Variants in ZNF385B observed in about 807,000 individuals in gnomAD.
ZNF385B encodes the protein zinc finger protein 385B.
A neutral mutation model predicts 39.2 loss-of-function variants in ZNF385B; 23 were observed. The ratio of observed to expected loss-of-function variants is 0.59; its 90% CI spans 0.42 to 0.83. The LOEUF (loss-of-function observed/expected upper bound fraction) is 0.83. Among genes scored for constraint, ZNF385B ranks in the 40% least tolerant of loss-of-function variants. The pLI, the probability that ZNF385B is intolerant of heterozygous loss-of-function variation, is 0.00. For missense variants in ZNF385B, 552 were observed against 598.9 expected (o/e 0.92, Z 0.82); for synonymous variants, 205 against 222.6 (o/e 0.92, Z 0.70).
intron 3 of ZNF385B, among the ~76,000 whole-genome samples, chr2:179,622,362 T>A (rs144261932): frequency 0.018 from 2,761 of 152,288 alleles, 43 homozygotes; most frequent in Middle Eastern, 0.037. Context: ...GTTTCCTGGA[T>A]TTATCTTCAA....
intron 1 of ZNF385B, among the ~76,000 whole-genome samples, chr2:179,790,253 T>C (rs1342356513): frequency 6.6e-6 from 1 of 152,222 alleles, no homozygotes; most frequent in Non-Finnish European, 1.5e-5. Flanking sequence ...CATATATTTA[T>C]TTCCTAATGC....
chr2:179,709,046 C>A (rs1037878128), intron 3 of ZNF385B, among the ~76,000 whole-genome samples: 29 of 152,144 alleles, frequency 1.9e-4, no homozygotes, highest in African/African-American at 6.8e-4. Flanking sequence ...TAGCCAATGC[C>A]TTCTTCAGCA....
chr2:179,559,662 A>C (rs1313045981), intron 3 of ZNF385B, among the ~76,000 whole-genome samples: 1 of 152,018 alleles, frequency 6.6e-6, no homozygotes, highest in Non-Finnish European at 1.5e-5. Flanking sequence ...ATATCATATA[A>C]AATTTATAGT....
At position 179,518,179 on chromosome 2, in the gene ZNF385B, C is replaced by T. The variant is rs541912078; in HGVS notation, c.552+349G>A. Among the ~76,000 whole-genome samples the T allele has an allele frequency of 4.0e-4, 61 of 152,186 alleles. No individual in the cohort carries two copies. In the East Asian group the frequency reaches 0.011, roughly 28 times the overall value. On this transcript the variant is annotated intron_variant, in intron 5 of 9. Coordinates refer to ENST00000410066, the MANE Select transcript of ZNF385B (RefSeq NM_152520.6). The stretch of plus-strand genomic sequence containing the variant: ...TTGAGACTGATTGCATAGATAAATT[C>T]TTAATTTTTGATCTTAGCCACTTAT...
intron 1 of ZNF385B, among the ~76,000 whole-genome samples, chr2:179,851,874 A>G (rs1684188462): frequency 6.6e-6 from 1 of 152,220 alleles, no homozygotes; most frequent in Non-Finnish European, 1.5e-5. Context: ...CAGAAATGTG[A>G]TTTCAAGAAT....
chr2:179,738,404 C>T (rs1381034331), intron 3 of ZNF385B, among the ~76,000 whole-genome samples: 1 of 152,208 alleles, frequency 6.6e-6, no homozygotes, highest in Non-Finnish European at 1.5e-5. Flanking sequence ...TCCTGCCCAG[C>T]TGAGCAAAGA....
chr2:179,528,298 A>T (rs2059044149), intron 4 of ZNF385B, among the ~76,000 whole-genome samples: 1 of 152,194 alleles, frequency 6.6e-6, no homozygotes, highest in South Asian at 2.1e-4. Flanking sequence ...AAGAAAGGTA[A>T]ACTAAAGTAA....
At chr2:179,454,155 G>A (rs1574212987) in intron 6 of ZNF385B, among the ~76,000 whole-genome samples, 1 of 152,206 alleles carries the variant, frequency 6.6e-6, no homozygotes, top group African/African-American at 2.4e-5. Context: ...TTTGAGGAAT[G>A]AGAAAGGGAG....
At chr2:179,571,111 T>A (rs974688198) in intron 3 of ZNF385B, among the ~76,000 whole-genome samples, 8 of 152,198 alleles carry the variant, frequency 5.3e-5, no homozygotes, top group African/African-American at 1.9e-4. Flanking sequence ...TCATTAACAA[T>A]TTAAACACTG....
chr2:179,695,865 T>A (rs1559099950), intron 3 of ZNF385B, among the ~76,000 whole-genome samples: 2 of 152,132 alleles, frequency 1.3e-5, no homozygotes, highest in East Asian at 3.9e-4. Context: ...GACAAGTGAA[T>A]AAACAAAATG....
At chr2:179,694,586 A>T (rs373455663) in intron 3 of ZNF385B, among the ~76,000 whole-genome samples, 2 of 152,312 alleles carry the variant, frequency 1.3e-5, no homozygotes, top group South Asian at 4.1e-4. Flanking sequence ...TCTAGGAATA[A>T]AAAAGGGATT....
intron 5 of ZNF385B, chr2:179,514,140 A>T (rs1445654738): frequency 6.6e-6 from 1 of 152,260 alleles, no homozygotes; most frequent in Non-Finnish European, 1.5e-5. Flanking sequence ...TCGAGGTGTC[A>T]GCAGGGCTGC....
chr2:179,724,139 T>A (rs1700859751), intron 3 of ZNF385B, among the ~76,000 whole-genome samples: 1 of 152,026 alleles, frequency 6.6e-6, no homozygotes, highest in African/African-American at 2.4e-5. Context: ...TGAAACCCCA[T>A]CTCTACGAAA....
rs1215507320 is a variant in ZNF385B at position 179,544,869 on chromosome 2, C to A, written c.399G>T (p.Val133=). 1.4e-5 allele frequency: 22 copies of A among 1,614,082 alleles called. No individual in the cohort carries two copies. In the African/African-American group the frequency reaches 1.7e-4, roughly 13 times the overall value. Residue 133 remains valine, a synonymous_variant, in exon 4 of 10, where the codon GTG becomes GTT. Transcript: ENST00000410066. ...AGAGCCCAACAGCAGAACTACTGTC[C>A]ACTGGAAAAGACATAAATGGTTTGA... is the stretch of plus-strand genomic sequence containing the variant. ...LDIKPFMSFP[V]DSSSAVGLFP...
At chr2:179,689,431 C>G (rs1217136886) in intron 3 of ZNF385B, among the ~76,000 whole-genome samples, 3 of 152,164 alleles carry the variant, frequency 2.0e-5, no homozygotes, top group African/African-American at 7.2e-5. Flanking sequence ...GGGCTAACAT[C>G]ACTTAAGTGA....
intron 1 of ZNF385B, among the ~76,000 whole-genome samples, chr2:179,839,626 G>A (rs896114372): frequency 6.6e-6 from 1 of 152,154 alleles, no homozygotes; most frequent in African/African-American, 2.4e-5. Context: ...CAGTGGGAAG[G>A]AAATACAACA....
chr2:179,760,875 TA>T (rs960692751), intron 3 of ZNF385B, among the ~76,000 whole-genome samples: 1 of 152,228 alleles, frequency 6.6e-6, no homozygotes, highest in East Asian at 1.9e-4. Flanking sequence ...TTATGTTTTT[TA>T]CATTTAAATC....
intron 3 of ZNF385B, among the ~76,000 whole-genome samples, chr2:179,697,311 C>T (rs961644929): frequency 5.3e-5 from 8 of 152,088 alleles, no homozygotes; most frequent in South Asian, 4.1e-4. Flanking sequence ...TTGGATTATG[C>T]GGGCTGTCTC....
At chr2:179,584,890 G>A (rs1686925185) in intron 3 of ZNF385B, among the ~76,000 whole-genome samples, 1 of 152,168 alleles carries the variant, frequency 6.6e-6, no homozygotes, top group Non-Finnish European at 1.5e-5. Context: ...GGAGCCCATG[G>A]ACCTGACAGT....
Sources: allele counts gnomAD v4.1 joint callset (sites outside exome capture counted in the v4.1 genomes callset), GRCh38; gene constraint gnomAD v4.1.1; transcripts MANE v1.5; gene names NCBI Gene and HGNC (gene_info 2026-07-23, HGNC 2026-07-21).